Variants in CACNA2D4 observed in about 807,000 individuals in gnomAD.
CACNA2D4 encodes the protein voltage-dependent calcium channel subunit alpha-2/delta-4.
A neutral mutation model predicts 163.8 loss-of-function variants in CACNA2D4; 157 were observed. That is an observed-to-expected ratio of 0.96 (90% CI 0.84 to 1.09). CACNA2D4 has a LOEUF of 1.09. Ranked by LOEUF, CACNA2D4 falls within the 50% of genes least tolerant of loss-of-function variation. The pLI, the probability that CACNA2D4 is intolerant of heterozygous loss-of-function variation, is 0.00. For synonymous variants in CACNA2D4, 598 were observed against 586.9 expected (o/e 1.02, Z -0.27); for missense variants, 1,410 against 1,479.9 (o/e 0.95, Z 0.78).
intron 18 of CACNA2D4, among the ~76,000 whole-genome samples, chr12:1,873,522 A>G (rs900027776): frequency 6.6e-6 from 1 of 152,224 alleles, no homozygotes; most frequent in African/African-American, 2.4e-5. Context: ...TAGATACAGT[A>G]TAGCCACATT....
At chr12:1,846,401 G>A (rs1489749564) in intron 24 of CACNA2D4, among the ~76,000 whole-genome samples, 193 bp downstream of exon 24, 2 of 152,248 alleles carry the variant, frequency 1.3e-5, no homozygotes, top group South Asian at 2.1e-4. Context: ...CGATCCGTAA[G>A]CCTTCGGGGA....
intron 29 of CACNA2D4, among the ~76,000 whole-genome samples, chr12:1,805,790 G>A (rs1292199184): frequency 6.6e-6 from 1 of 152,258 alleles, no homozygotes; most frequent in Admixed American, 6.5e-5. Context: ...AGGGCATGTG[G>A]TGTCCCGGAA....
At position 1,823,566 on chromosome 12, in the gene CACNA2D4, C is replaced by A. The variant is rs1490465415; in HGVS notation, c.2552-11843G>T. Among the ~76,000 whole-genome samples the A allele has an allele frequency of 2.0e-5, 3 of 152,028 alleles. No homozygotes were observed. In the East Asian group the frequency reaches 5.8e-4, roughly 29 times the overall value. On this transcript the variant is annotated intron_variant, in intron 26 of 37. Transcript: ENST00000382722. ...GGGCCTCCTGCTCCCCCATGGCCTC[C>A]CCAGCCTTGGCTCCCCCAGAACAGA... is the stretch of plus-strand genomic sequence containing the variant.
chr12:1,884,013 T>C (rs947334175), intron 12 of CACNA2D4: 20 of 527,422 alleles, frequency 3.8e-5, no homozygotes, highest in Admixed American at 3.7e-4. Flanking sequence ...CCAGAGTCCA[T>C]GGCTTACTTT....
intron 3 of CACNA2D4, among the ~76,000 whole-genome samples, chr12:1,912,237 C>G (rs935697986): frequency 6.6e-6 from 1 of 152,212 alleles, no homozygotes; most frequent in Admixed American, 6.5e-5. Context: ...GCTGGTCTTA[C>G]GAGTCCTTTC....
At chr12:1,826,304 C>A (rs545787233) in intron 26 of CACNA2D4, among the ~76,000 whole-genome samples, 1 of 151,854 alleles carries the variant, frequency 6.6e-6, no homozygotes, top group Non-Finnish European at 1.5e-5. Flanking sequence ...CTCCACCAAG[C>A]AGGTATTGCG....
chr12:1,811,804 T>G (rs1418155594), intron 26 of CACNA2D4, 81 bp from the exon 27 acceptor site: 37 of 1,172,096 alleles, frequency 3.2e-5, no homozygotes, highest in Non-Finnish European at 4.1e-5. Flanking sequence ...AGAGAGGAGG[T>G]GCTTCCGCAG....
chr12:1,892,861 T>C (rs1307999637), intron 6 of CACNA2D4, among the ~76,000 whole-genome samples: 1 of 152,070 alleles, frequency 6.6e-6, no homozygotes, highest in Non-Finnish European at 1.5e-5. Context: ...TAAAACAAAC[T>C]TTAAGTCAAA....
Position 1,834,946 on chromosome 12 carries a change from A to G in CACNA2D4, c.2551+5793T>C, listed in dbSNP as rs1864793113. 3 of 771,352 alleles carry G rather than the reference A, an allele frequency of 3.9e-6. No individual in the cohort carries two copies. Among genetic ancestry groups the G allele is most frequent in the Admixed American group, 3.1e-5 (1 of 31,750 alleles). The allele number at this position is 771,352 out of a possible 1,614,324, so 47.8% of individuals were successfully genotyped here. Reference sequence around the variant, plus strand: ...CTGATGCTCCTGTCTGGGCCAGTAAATCTTTGGAACATGTGGGGGATCTCC... The same window carrying G: ...CTGATGCTCCTGTCTGGGCCAGTAAGTCTTTGGAACATGTGGGGGATCTCC... On this transcript the variant is annotated intron_variant, in intron 26 of 37. Coordinates refer to ENST00000382722, the MANE Select transcript of CACNA2D4 (RefSeq NM_172364.5). The surrounding 1 kb of genome is among the most constrained non-coding windows in gnomAD (Gnocchi z 7.6).
intron 1 of CACNA2D4, among the ~76,000 whole-genome samples, chr12:1,915,770 G>A (rs1235304848): frequency 6.6e-6 from 1 of 152,246 alleles, no homozygotes; most frequent in Admixed American, 6.5e-5. Flanking sequence ...GGGTCCTGGG[G>A]GCAGGTACAC....
At position 1,800,792 on chromosome 12, in the gene CACNA2D4, G is replaced by T. The variant is rs1386450493; in HGVS notation, c.2868+251C>A. 4 of 595,548 alleles carry T rather than the reference G, an allele frequency of 6.7e-6. No homozygotes were observed. In the East Asian group the frequency reaches 1.1e-4, roughly 16 times the overall value. 36.9% of individuals were successfully genotyped at this position (595,548 alleles called of 1,614,324 possible). On this transcript the variant is annotated intron_variant, in intron 31 of 37. Transcript: ENST00000382722. ...GAGGCTGGGGCAGGCTGCTCTCTCTGTCTCCGCCAGAGGCACTGTTGTGTC... is the reference window on the plus strand; with the variant it reads ...GAGGCTGGGGCAGGCTGCTCTCTCTTTCTCCGCCAGAGGCACTGTTGTGTC...
intron 35 of CACNA2D4, among the ~76,000 whole-genome samples, chr12:1,797,026 G>A (rs1438730951): frequency 6.6e-6 from 1 of 152,212 alleles, no homozygotes; most frequent in African/African-American, 2.4e-5. Flanking sequence ...CAGCTCAGGC[G>A]CGGGCACTGG....
chr12:1,910,012 C>T (rs1044647897), intron 3 of CACNA2D4, 47 bp from the exon 4 acceptor site: 3 of 1,538,420 alleles, frequency 2.0e-6, no homozygotes, highest in Non-Finnish European at 2.7e-6. Flanking sequence ...AAAAGGAGCC[C>T]AGTGGGTTTT....
intron 6 of CACNA2D4, among the ~76,000 whole-genome samples, chr12:1,888,543 GA>G (rs1375128824): frequency 2.0e-5 from 3 of 152,122 alleles, no homozygotes; most frequent in Non-Finnish European, 4.4e-5. Context: ...GTAGGTATGA[GA>G]AGAACACATA....
chr12:1,860,066 C>T (rs553706365), intron 19 of CACNA2D4, 79 bp downstream of exon 19: 7 of 1,221,904 alleles, frequency 5.7e-6, no homozygotes, highest in Non-Finnish European at 8.4e-6. Context: ...GCTATTACCA[C>T]AAAATTGCCA....
chr12:1,896,428 T>G (rs1378211550), intron 6 of CACNA2D4, among the ~76,000 whole-genome samples: 1 of 152,058 alleles, frequency 6.6e-6, no homozygotes, highest in Non-Finnish European at 1.5e-5. Flanking sequence ...CATTGAAATG[T>G]GGGCAAAAGA....
rs931328260 is a variant in CACNA2D4 at position 1,795,731 on chromosome 12, T to C, written c.3163A>G (p.Thr1055Ala). 2 of 1,613,658 alleles carry C rather than the reference T, an allele frequency of 1.2e-6. No individual in the cohort carries two copies. The change falls in exon 36 of 38, where the codon ACA becomes GCA. Residue 1055 changes from threonine (T) to alanine (A), a missense_variant. Thr to Ala is a moderately conservative substitution (Grantham distance 58). Coordinates refer to ENST00000382722, the MANE Select transcript of CACNA2D4 (RefSeq NM_172364.5). ...IPNSNLLLLV[T>A]DPTCDCSIFP... ...ATGCTGCAGTCACAGGTGGGGTCTG[T>C]CACCAGGAGGAGGAGGTTACTGTTG...
At chr12:1,871,881 T>C (rs764165102) in intron 18 of CACNA2D4, among the ~76,000 whole-genome samples, 1 of 152,252 alleles carries the variant, frequency 6.6e-6, no homozygotes, top group Non-Finnish European at 1.5e-5. Flanking sequence ...CCATTGCTAA[T>C]TATTGTTTGA....
chr12:1,896,642 C>T (rs1336287559), intron 6 of CACNA2D4, among the ~76,000 whole-genome samples: 6 of 146,502 alleles, frequency 4.1e-5, no homozygotes, highest in Non-Finnish European at 8.9e-5. Flanking sequence ...CACACACACA[C>T]ACACACACAC....
Sources: gnomAD v4.1 joint callset for allele counts (sites outside exome capture counted in the v4.1 genomes callset) on GRCh38, gnomAD v4.1.1 for gene constraint, Gnocchi (gnomAD v3.1) non-coding constraint, MANE v1.5 for transcripts, NCBI Gene and HGNC (gene_info 2026-07-23, HGNC 2026-07-21) for gene names.